Variants in MDN1 observed in about 807,000 individuals in gnomAD.
MDN1 encodes midasin AAA ATPase 1, also known as midasin.
A neutral mutation model predicts 669.2 loss-of-function variants in MDN1; 266 were observed. The observed-to-expected ratio is 0.40, with a 90% CI of 0.36 to 0.44. MDN1 has a LOEUF of 0.44. Among genes scored for constraint, MDN1 ranks in the 20% least tolerant of loss-of-function variants. The pLI, the probability that MDN1 is intolerant of heterozygous loss-of-function variation, is 1.00. For synonymous variants in MDN1, 2,385 were observed against 2,457.1 expected, an observed-to-expected ratio of 0.97 and a Z score of 0.87; for missense variants, 5,940 against 6,754.0, an observed-to-expected ratio of 0.88 and a Z score of 4.22.
Position 89,672,702 on chromosome 6 carries a change from C to G in MDN1, c.13475G>C (p.Gly4492Ala). ...AAATCCTTCGTCCAACATTTGATTTCCTAGCAGGTAACATGGTGCAAAACA... is the reference window on the plus strand; with the variant it reads ...AAATCCTTCGTCCAACATTTGATTTGCTAGCAGGTAACATGGTGCAAAACA... ...THLLTSDSQG[G>A]NQMLDEGFVE... Residue 4492 changes from glycine to alanine, a missense_variant and splice_region_variant, in exon 81 of 102, where the codon GGA (glycine) becomes GCA (alanine). Coordinates refer to ENST00000369393, the MANE Select transcript of MDN1 (RefSeq NM_014611.3). The G allele has an allele frequency of 6.2e-7, 1 of 1,613,432 alleles. No individual in the cohort carries two copies. Among genetic ancestry groups the G allele is most frequent in the Non-Finnish European group, 8.5e-7 (1 of 1,179,830 alleles).
At chr6:89,654,129 C>T (rs750163699) in intron 93 of MDN1, 35 bp downstream of exon 93, 26 of 1,610,596 alleles carry the variant, frequency 1.6e-5, no homozygotes, top group Non-Finnish European at 1.9e-5. Flanking sequence ...CAAGTCAGAG[C>T]GCCTGGGAAG....
chr6:89,781,079 G>T (rs1385394604), intron 10 of MDN1, among the ~76,000 whole-genome samples: 5 of 151,916 alleles, frequency 3.3e-5, no homozygotes, highest in African/African-American at 4.8e-5. Context: ...TCAGAAAAGG[G>T]CATTCAGTGA....
chr6:89,654,732 G>C (rs1809123769), intron 92 of MDN1, among the ~76,000 whole-genome samples: 1 of 152,134 alleles, frequency 6.6e-6, no homozygotes, highest in African/African-American at 2.4e-5. Context: ...GAGCAGATTT[G>C]AATGTTCCCA....
chr6:89,658,952 T>C, intron 88 of MDN1, 35 bp from the exon 89 acceptor site: 2 of 1,544,556 alleles, frequency 1.3e-6, no homozygotes, highest in Non-Finnish European at 1.7e-6. Context: ...GAGTGCAGAA[T>C]TTTTGAAACG....
intron 19 of MDN1, among the ~76,000 whole-genome samples, chr6:89,756,780 G>A (rs1387231477): frequency 1.3e-5 from 2 of 152,118 alleles, no homozygotes; most frequent in Non-Finnish European, 2.9e-5. Context: ...AATTAGCCAG[G>A]TGTGTTGGCG....
rs752706430 is a variant in MDN1, at chr6:89,758,894, G to A, written c.2527C>T (p.Pro843Ser). The change falls in exon 18 of 102, where the codon CCA becomes TCA. Residue 843 changes from proline (P) to serine (S), a missense_variant. Pro to Ser is a moderately conservative substitution (Grantham distance 74, BLOSUM62 -1). Around this residue, in one of 5 missense-constraint regions of MDN1, gnomAD observed 1,203 missense variants for 1,268.9 expected, o/e 0.95. Coordinates refer to ENST00000369393, the MANE Select transcript of MDN1 (RefSeq NM_014611.3). ...CCACTCAGACATTCTAGTATTTCTG[G>A]AGCAGCCAAGTTAATCTCATCCAAC... ...ILLDEINLAA[P>S]EILECLSGLL... 4.2e-5 allele frequency: 68 copies of A among 1,613,816 alleles called. No individual in the cohort carries two copies. Among genetic ancestry groups the A allele is most frequent in the Non-Finnish European group, 5.6e-5 (66 of 1,179,888 alleles).
chr6:89,651,152 CAA>C (rs1472652093), intron 95 of MDN1, among the ~76,000 whole-genome samples: 3 of 102,276 alleles, frequency 2.9e-5, no homozygotes, highest in African/African-American at 3.7e-5. Context: ...CCTGTCTCTA[CAA>C]AAAAAAAAAA....
In MDN1 at chr6:89,655,912, A is replaced by G; in HGVS notation, c.15342T>C (p.Asn5114=). Residue 5114 remains asparagine, a synonymous_variant, in exon 92 of 102, where the codon AAT becomes AAC. Coordinates refer to ENST00000369393, the MANE Select transcript of MDN1 (RefSeq NM_014611.3). ...TCCTCAGCCTCTTGTGCACACGCTC[A>G]TTGTGATCACCCATGGAACGTTCAT... ...ADNERSMGDH[N]ERVHKRLRTV... 1 of 1,614,072 alleles carries G rather than the reference A, an allele frequency of 6.2e-7. No individual in the cohort carries two copies. Among genetic ancestry groups the G allele is most frequent in the Non-Finnish European group, 8.5e-7 (1 of 1,180,016 alleles).
rs1244383369 is a variant in MDN1 at position 89,698,895 on chromosome 6, T to C, written c.9138A>G (p.Ala3046=). 9 of 1,613,956 alleles carry C rather than the reference T, an allele frequency of 5.6e-6. No individual in the cohort carries two copies. Among genetic ancestry groups the C allele is most frequent in the Non-Finnish European group, 7.6e-6 (9 of 1,180,004 alleles). ...ATGTGGAGTCCAAAACAGACTTGGG[T>C]GCCTCCCTCTGCTGCATACCAGGCA... ...NPLPGMQQRE[A]PKSVLDSTLK... Residue 3046 remains alanine, a synonymous_variant, in exon 59 of 102, where the codon GCA becomes GCG. Transcript: ENST00000369393.
Position 89,756,404 on chromosome 6 carries a change from C to T in MDN1, c.2703-14G>A, listed in dbSNP as rs528496738. Reference sequence around the variant, plus strand: ...AGTTCTGTGAACCTGTAAAACAATACATAATAAACACTTTTTAGGAAGTTA... The same window carrying T: ...AGTTCTGTGAACCTGTAAAACAATATATAATAAACACTTTTTAGGAAGTTA... On this transcript the variant is annotated splice_polypyrimidine_tract_variant and intron_variant, in intron 19 of 101. Coordinates refer to ENST00000369393, the MANE Select transcript of MDN1 (RefSeq NM_014611.3). 5.7e-6 allele frequency: 7 copies of T among 1,234,286 alleles called. No homozygotes were observed. Among genetic ancestry groups the T allele is most frequent in the Admixed American group, 4.2e-5 (2 of 47,536 alleles). 76.5% of individuals were successfully genotyped at this position (1,234,286 alleles called of 1,614,324 possible).
At chr6:89,677,748 T>G in intron 75 of MDN1, 52 bp from the exon 76 acceptor site, 1 of 1,610,726 alleles carries the variant, frequency 6.2e-7, no homozygotes, top group Non-Finnish European at 8.5e-7. Flanking sequence ...AGAGAATGGA[T>G]GTGCCCCCCT....
At chr6:89,818,320 CAAAAAAAAAA>C (rs60891640) in intron 1 of MDN1, among the ~76,000 whole-genome samples, 5 of 67,814 alleles carry the variant, frequency 7.4e-5, no homozygotes, top group African/African-American at 6.8e-5. Context: ...GCCTCCGTCT[CAAAAAAAAAA>C]AAAAAAAAAA....
chr6:89,817,055 CA>C (rs1304647401), intron 1 of MDN1, among the ~76,000 whole-genome samples: 19 of 152,254 alleles, frequency 1.2e-4, no homozygotes, highest in Admixed American at 3.9e-4. Flanking sequence ...TGCCAGTCAG[CA>C]AATCTTTGAA....
intron 50 of MDN1, 78 bp from the exon 51 acceptor site, chr6:89,708,706 T>C: frequency 6.7e-7 from 1 of 1,489,120 alleles, no homozygotes; most frequent in Non-Finnish European, 9.2e-7. Flanking sequence ...GTTGAATATT[T>C]TCATTGTTTT....
At chr6:89,762,872 T>G (rs1031690446) in intron 15 of MDN1, among the ~76,000 whole-genome samples, 1 of 152,004 alleles carries the variant, frequency 6.6e-6, no homozygotes, top group Non-Finnish European at 1.5e-5. Context: ...CTGGGCAACA[T>G]GGCAAAACCC....
chr6:89,681,767 G>C (rs1012083080), intron 73 of MDN1, among the ~76,000 whole-genome samples: 1 of 152,094 alleles, frequency 6.6e-6, no homozygotes, highest in African/African-American at 2.4e-5. Context: ...TACTAACTCT[G>C]TGAGCCCCAG....
intron 96 of MDN1, among the ~76,000 whole-genome samples, 200 bp downstream of exon 96, chr6:89,650,532 G>A (rs575311073): frequency 6.6e-6 from 1 of 152,212 alleles, no homozygotes; most frequent in African/African-American, 2.4e-5. Flanking sequence ...GTAACAAGGT[G>A]ATCAATACAG....
At chr6:89,700,334 TAA>T (rs1407959875) in intron 56 of MDN1, 40 bp from the exon 57 acceptor site, 1 of 1,492,390 alleles carries the variant, frequency 6.7e-7, no homozygotes, top group East Asian at 2.3e-5. Context: ...GCACAATGGT[TAA>T]GAGTATAGCC....
In MDN1 at chr6:89,673,328, T is replaced by C; in HGVS notation, c.13382A>G (p.Glu4461Gly). The C allele has an allele frequency of 6.2e-7, 1 of 1,614,164 alleles. No individual in the cohort carries two copies. The highest frequency in any genetic ancestry group is 1.3e-5 in the African/African-American group (1 of 75,016). ...EQRDSQMALV[E>G]SLEYVRGEIS... Reference sequence around the variant, plus strand: ...TTCTCCTCTTACATATTCCAGACTTTCAACTAGTGCCATTTGTGAGTCTCT... The same window carrying C: ...TTCTCCTCTTACATATTCCAGACTTCCAACTAGTGCCATTTGTGAGTCTCT... Residue 4461 changes from glutamate (E) to glycine (G), a missense_variant, in exon 80 of 102, where the codon GAA becomes GGA. Glu to Gly is a moderately conservative substitution (Grantham distance 98). This residue lies in a region of MDN1 where 2,280 missense variants were observed against 2,576.3 expected (regional missense o/e 0.88). Transcript: ENST00000369393.
Sources: gnomAD v4.1 joint callset for allele counts (sites outside exome capture counted in the v4.1 genomes callset) on GRCh38, gnomAD v4.1.1 for gene constraint, gnomAD v4.1.1 regional missense constraint, MANE v1.5 for transcripts, NCBI Gene and HGNC (gene_info 2026-07-23, HGNC 2026-07-21) for gene names.